The following ERN1 variants were observed in gnomAD, a reference collection of about 807,000 sequenced individuals.
The protein encoded by ERN1 is endoplasmic reticulum to nucleus signaling 1.
Under a neutral mutation model 113.1 loss-of-function variants are expected in ERN1, and 39 were observed. That is an observed-to-expected ratio of 0.34 (90% confidence interval 0.27 to 0.45). The LOEUF (loss-of-function observed/expected upper bound fraction) is 0.45. ERN1 is among the 20% of genes least tolerant of loss of function. The pLI is 1.00. For missense variants in ERN1, 976 were observed against 1,274.8 expected, an observed-to-expected ratio of 0.77 and a Z score of 3.57; for synonymous variants, 507 against 515.9, an observed-to-expected ratio of 0.98 and a Z score of 0.23.
intron 8 of ERN1, among the ~76,000 whole-genome samples, chr17:64,066,114 G>T (rs557651311): frequency 8.5e-5 from 13 of 152,226 alleles, no homozygotes; most frequent in African/African-American, 3.1e-4. Flanking sequence ...TGAAGAGGGG[G>T]ATGGAGAACA....
At chr17:64,106,704 A>G (rs1914536454) in intron 1 of ERN1, among the ~76,000 whole-genome samples, 1 of 135,514 alleles carries the variant, frequency 7.4e-6, no homozygotes, top group Non-Finnish European at 1.6e-5. Flanking sequence ...CACCAGTCCT[A>G]CAGGGTTTCT....
At chr17:64,095,969 ATGAGTGGTTACAGGACTCGGC>A (rs1260256279) in intron 2 of ERN1, among the ~76,000 whole-genome samples, 1 of 152,158 alleles carries the variant, frequency 6.6e-6, no homozygotes, top group Non-Finnish European at 1.5e-5. Context: ...AGTCCCTCTC[ATGAGTGGTTACAGGACTCGGC>A]TGTGTTGAAG....
At chr17:64,077,389 C>T (rs1913625511) in intron 4 of ERN1, among the ~76,000 whole-genome samples, 1 of 152,144 alleles carries the variant, frequency 6.6e-6, no homozygotes, top group African/African-American at 2.4e-5. Flanking sequence ...AACCGGCATC[C>T]AGGTGAAGAA....
At chr17:64,123,284 G>T (rs897463072) in intron 1 of ERN1, among the ~76,000 whole-genome samples, 2 of 152,154 alleles carry the variant, frequency 1.3e-5, no homozygotes, top group African/African-American at 4.8e-5. Flanking sequence ...GTATTTCAGG[G>T]TGCTCATGGG....
chr17:64,125,043 T>C (rs1167706465), intron 1 of ERN1, among the ~76,000 whole-genome samples: 1 of 152,156 alleles, frequency 6.6e-6, no homozygotes, highest in South Asian at 2.1e-4. Flanking sequence ...TGTTCTAAAA[T>C]GGACTGTGGT....
chr17:64,078,866 C>T (rs547043182), intron 4 of ERN1, among the ~76,000 whole-genome samples: 25 of 152,048 alleles, frequency 1.6e-4, no homozygotes, highest in African/African-American at 5.3e-4. Flanking sequence ...ATTAGCTGGG[C>T]GTGGAGATGT....
intron 4 of ERN1, among the ~76,000 whole-genome samples, chr17:64,079,284 A>G (rs1256124903): frequency 6.6e-6 from 1 of 151,946 alleles, no homozygotes; most frequent in Non-Finnish European, 1.5e-5. Context: ...ATATCACATG[A>G]CTCCCTTAAG....
chr17:64,094,886 T>C (rs558700385), intron 2 of ERN1, among the ~76,000 whole-genome samples: 2 of 152,336 alleles, frequency 1.3e-5, no homozygotes, highest in East Asian at 3.9e-4. Context: ...ATAAAAGGGT[T>C]TGCCTGTTTT....
At chr17:64,126,015 G>C (rs1272039560) in intron 1 of ERN1, among the ~76,000 whole-genome samples, 1 of 152,124 alleles carries the variant, frequency 6.6e-6, no homozygotes, top group Non-Finnish European at 1.5e-5. Context: ...TCTAAAACCA[G>C]CTGTGTTGCT....
intron 13 of ERN1, among the ~76,000 whole-genome samples, chr17:64,055,375 G>A (rs926433072): frequency 1.3e-5 from 2 of 152,202 alleles, no homozygotes; most frequent in Non-Finnish European, 2.9e-5. Context: ...CTTGGCCACC[G>A]GCTGGCCCTG....
At chr17:64,085,250 C>T (rs1316955624) in intron 2 of ERN1, among the ~76,000 whole-genome samples, 3 of 152,176 alleles carry the variant, frequency 2.0e-5, no homozygotes, top group African/African-American at 4.8e-5. Flanking sequence ...ATTTGGCTCA[C>T]GTTTCTGCAG....
At chr17:64,094,863 T>C (rs952658633) in intron 2 of ERN1, among the ~76,000 whole-genome samples, 3 of 152,284 alleles carry the variant, frequency 2.0e-5, no homozygotes, top group Non-Finnish European at 4.4e-5. Context: ...CCCACTAGAA[T>C]GAAAGCTTTA....
At chr17:64,101,268 G>T (rs1356177763) in intron 1 of ERN1, among the ~76,000 whole-genome samples, 1 of 152,090 alleles carries the variant, frequency 6.6e-6, no homozygotes, top group East Asian at 1.9e-4. Context: ...AATTAGCCGG[G>T]CGTGGTGGTG....
chr17:64,055,287 C>T (rs936360818), intron 13 of ERN1, among the ~76,000 whole-genome samples: 11 of 152,198 alleles, frequency 7.2e-5, no homozygotes, highest in African/African-American at 2.7e-4. Context: ...TGTGCCAGTT[C>T]CCTCAGAATT....
At position 64,044,137 on chromosome 17, in the gene ERN1, A is replaced by G. The variant is rs1912431147; in HGVS notation, c.2785T>C (p.Phe929Leu). The G allele has an allele frequency of 1.2e-6, 2 of 1,607,122 alleles. No individual in the cohort carries two copies. Among genetic ancestry groups the G allele is most frequent in the South Asian group, 1.1e-5 (1 of 90,222 alleles). Reference protein sequence around the residue: ...RETLGSLPDDFVCYFTSRFPH... With the variant: ...RETLGSLPDDLVCYFTSRFPH... ...AAGCGAGATGTGAAGTAGCACACGA[A>G]GTCGTCGGGGAGGGACCCCAGCGTC... The change falls in exon 22 of 22, where the codon TTC becomes CTC. Residue 929 changes from phenylalanine (F) to leucine (L), a missense_variant. Phe to Leu is a conservative substitution (Grantham distance 22, BLOSUM62 0). Around this residue, in one of 5 missense-constraint regions of ERN1, gnomAD observed 92 missense variants for 87.3 expected, o/e 1.05. Coordinates refer to ENST00000433197, the MANE Select transcript of ERN1 (RefSeq NM_001433.5). The surrounding 1 kb of genome is among the most constrained non-coding windows in gnomAD (Gnocchi z 4.1).
At chr17:64,071,270 G>T (rs923519812) in intron 6 of ERN1, among the ~76,000 whole-genome samples, 1 of 152,158 alleles carries the variant, frequency 6.6e-6, no homozygotes, top group Non-Finnish European at 1.5e-5. Flanking sequence ...TCACAGAGAA[G>T]GTGACTTTTG....
In ERN1 at chr17:64,129,967, G is replaced by A. The variant is rs779226529; in HGVS notation, c.54+9C>T. 8 of 1,446,426 alleles carry A rather than the reference G, an allele frequency of 5.5e-6. No homozygotes were observed. The South Asian group carries it at 1.1e-4, about 20-fold the overall frequency. 89.6% of individuals were successfully genotyped at this position (1,446,426 alleles called of 1,614,324 possible). On this transcript the variant is annotated intron_variant, in intron 1 of 21. Transcript: ENST00000433197. ...GCTGTCCTCCACCCCACGCTCCCCG[G>A]TCACTCACCCCGAGGCCGGGCAGCA... is the stretch of plus-strand genomic sequence containing the variant.
chr17:64,124,975 G>T lies in ERN1; in HGVS notation c.54+5001C>A, dbSNP rs79532160. Among the ~76,000 whole-genome samples the T allele has an allele frequency of 6.0e-3, 910 of 152,214 alleles. 9 individuals are homozygous for T. Among genetic ancestry groups the T allele is most frequent in the African/African-American group, 0.021 (861 of 41,530 alleles). ...TGGTTGCCAAGGACTAGGAGGTTTG[G>T]GGGGAAACGGTGTGTAACAGCTAAT... On this transcript the variant is annotated intron_variant, in intron 1 of 21. Coordinates refer to ENST00000433197, the MANE Select transcript of ERN1 (RefSeq NM_001433.5).
intron 1 of ERN1, among the ~76,000 whole-genome samples, chr17:64,105,799 C>A (rs1163284581): frequency 6.6e-6 from 1 of 152,118 alleles, no homozygotes; most frequent in Non-Finnish European, 1.5e-5. Flanking sequence ...AACCCTGTCT[C>A]TACTAAAAAT....
Sources: allele counts gnomAD v4.1 joint callset (sites outside exome capture counted in the v4.1 genomes callset), GRCh38; gene constraint gnomAD v4.1.1; regional missense constraint gnomAD v4.1.1; non-coding constraint Gnocchi (gnomAD v3.1); transcripts MANE v1.5; gene names NCBI Gene and HGNC (gene_info 2026-07-23, HGNC 2026-07-21).